Variants in CEP128 observed in about 807,000 individuals in gnomAD.
The protein encoded by CEP128 is centrosomal protein 128kDa.
Under a neutral mutation model 156.7 loss-of-function variants are expected in CEP128, and 132 were observed. The ratio of observed to expected loss-of-function variants is 0.84; its 90% CI spans 0.73 to 0.97. The LOEUF is 0.97. Among genes scored for constraint, CEP128 ranks in the 50% least tolerant of loss-of-function variants. CEP128 has a pLI of 0.00. For missense variants in CEP128, 1,252 were observed against 1,281.9 expected (o/e 0.98, Z 0.36); for synonymous variants, 469 against 448.9 (o/e 1.04, Z -0.57).
At chr14:80,828,166 C>T (rs1885585447) in intron 13 of CEP128, among the ~76,000 whole-genome samples, 1 of 148,840 alleles carries the variant, frequency 6.7e-6, no homozygotes, top group African/African-American at 2.5e-5. Flanking sequence ...CTCTGTCGCC[C>T]ATTCTGGAGT....
intron 8 of CEP128, among the ~76,000 whole-genome samples, chr14:80,874,827 C>A (rs1469415716): frequency 6.6e-6 from 1 of 152,080 alleles, no homozygotes; most frequent in Non-Finnish European, 1.5e-5. Flanking sequence ...ACTGTGTTAG[C>A]CAGGATGGTC....
intron 13 of CEP128, among the ~76,000 whole-genome samples, chr14:80,815,142 T>C (rs1189377258): frequency 6.6e-6 from 1 of 152,120 alleles, no homozygotes; most frequent in Non-Finnish European, 1.5e-5. Context: ...ACCTGCTGAA[T>C]AGGAGAAAAT....
At chr14:80,647,028 TGTGTGC>T (rs1162074842) in intron 19 of CEP128, among the ~76,000 whole-genome samples, 4,828 of 113,288 alleles carry the variant, frequency 0.043, 580 homozygotes, top group Non-Finnish European at 0.071. Context: ...TGTATATATA[TGTGTGC>T]ATGTATATAT....
At chr14:80,835,698 C>T (rs1294401731) in intron 12 of CEP128, among the ~76,000 whole-genome samples, 1 of 152,024 alleles carries the variant, frequency 6.6e-6, no homozygotes, top group Non-Finnish European at 1.5e-5. Context: ...CAAAGTATTC[C>T]TAAACCACAT....
At chr14:80,640,014 A>G (rs1363162941) in intron 19 of CEP128, among the ~76,000 whole-genome samples, 1 of 152,200 alleles carries the variant, frequency 6.6e-6, no homozygotes, top group Admixed American at 6.5e-5. Flanking sequence ...CCAGAATAAC[A>G]AAGCATTGTC....
At chr14:80,829,267 T>C (rs1885652319) in intron 13 of CEP128, among the ~76,000 whole-genome samples, 1 of 152,222 alleles carries the variant, frequency 6.6e-6, no homozygotes. Flanking sequence ...ATGCAACTAG[T>C]TAATGCTAAT....
rs185575920 is a variant in CEP128 at position 80,853,895 on chromosome 14, A to G, written c.762+8862T>C. Among the ~76,000 whole-genome samples the G allele has an allele frequency of 5.3e-5, 8 of 152,142 alleles. No homozygotes were observed. In the East Asian group the frequency reaches 1.5e-3, roughly 29 times the overall value. ...ATTTAAATTAGAGTGGAAAGAACCA[A>G]TTTTTATTCAAAAATGATGCTGAAG... is the stretch of plus-strand genomic sequence containing the variant. On this transcript the variant is annotated intron_variant, in intron 9 of 24. Transcript: ENST00000555265.
intron 2 of CEP128, among the ~76,000 whole-genome samples, chr14:80,935,536 G>A (rs1290620587): frequency 1.3e-5 from 2 of 148,658 alleles, no homozygotes; most frequent in African/African-American, 5.0e-5. Context: ...TCTGGAGTAA[G>A]ACAGAGTAAG....
At chr14:80,516,789 C>T (rs922114065) in intron 23 of CEP128, among the ~76,000 whole-genome samples, 1 of 152,212 alleles carries the variant, frequency 6.6e-6, no homozygotes, top group Non-Finnish European at 1.5e-5. Flanking sequence ...CAGATTCTCT[C>T]TCCCACCACG....
chr14:80,748,467 G>C (rs327436), intron 18 of CEP128, among the ~76,000 whole-genome samples: 6,113 of 152,238 alleles, frequency 0.04, 419 homozygotes, highest in African/African-American at 0.14. Context: ...TCTCTAGAAA[G>C]TGTTTTCTAC....
chr14:80,669,930 T>C (rs1360859606), intron 19 of CEP128, among the ~76,000 whole-genome samples: 1 of 152,182 alleles, frequency 6.6e-6, no homozygotes, highest in Non-Finnish European at 1.5e-5. Context: ...CTGCAGGCTA[T>C]ACAGGCATCT....
chr14:80,729,845 C>A (rs1595300671), intron 19 of CEP128, among the ~76,000 whole-genome samples: 2 of 152,172 alleles, frequency 1.3e-5, no homozygotes, highest in East Asian at 3.9e-4. Flanking sequence ...ATGATAAACA[C>A]ATTTGGTGAA....
At chr14:80,538,525 C>G (rs1329934281) in intron 21 of CEP128, among the ~76,000 whole-genome samples, 1 of 152,178 alleles carries the variant, frequency 6.6e-6, no homozygotes, top group African/African-American at 2.4e-5. Context: ...GTATACCCAC[C>G]ACCTAGATTC....
intron 19 of CEP128, among the ~76,000 whole-genome samples, chr14:80,632,772 G>A (rs934631223): frequency 5.3e-5 from 8 of 152,046 alleles, no homozygotes; most frequent in Non-Finnish European, 1.2e-4. Flanking sequence ...TCTCACGGGT[G>A]TATGTCTGGG....
chr14:80,652,328 C>A (rs1252126140), intron 19 of CEP128, among the ~76,000 whole-genome samples: 3 of 151,986 alleles, frequency 2.0e-5, no homozygotes, highest in African/African-American at 7.2e-5. Context: ...GCAACAAAAG[C>A]CAAAATTGAC....
At chr14:80,891,269 C>T (rs551863204) in intron 8 of CEP128, among the ~76,000 whole-genome samples, 2 of 152,178 alleles carry the variant, frequency 1.3e-5, no homozygotes, top group Admixed American at 1.3e-4. Context: ...TTTATTGCAG[C>T]ACTATCCACA....
chr14:80,840,739 A>G lies in CEP128; in HGVS notation c.792T>C (p.Asp264=). 6.2e-7 allele frequency: 1 copy of G among 1,611,066 alleles called. No individual in the cohort carries two copies. The highest frequency in any genetic ancestry group is 8.5e-7 in the Non-Finnish European group (1 of 1,178,190). Residue 264 remains aspartate, a synonymous_variant, in exon 10 of 25, where the codon GAT becomes GAC. Coordinates refer to ENST00000555265, the MANE Select transcript of CEP128 (RefSeq NM_152446.5). ...TATTTTTTATTGCCCCCTCATGCTC[A>G]TCTGCTTTAGCTTCTTGTTTCTTTA... The part of the protein sequence containing the change: ...EALKKQEAKA[D]EHEGAIKNKL...
intron 2 of CEP128, 54 bp downstream of exon 2, chr14:80,939,331 A>T (rs1030166124): frequency 1.1e-4 from 14 of 129,290 alleles, no homozygotes; most frequent in African/African-American, 3.6e-4. Context: ...CTTTTCTACC[A>T]TAAATATGCA....
rs1413794587 is a variant in CEP128, at chr14:80,535,527, A to C, written c.2881-4641T>G. On this transcript the variant is annotated intron_variant, in intron 21 of 24. Transcript: ENST00000555265. ...TTTAAGATGAAACCATAAAGAATGT[A>C]ATCTCACTGGTGCTAAAGAGTCTGT... 2.6e-5 allele frequency among the ~76,000 whole-genome samples: 4 copies of C among 152,226 alleles called. No individual in the cohort carries two copies. The East Asian group carries it at 7.7e-4, about 29-fold the overall frequency.
Sources: gnomAD v4.1 joint callset for allele counts (sites outside exome capture counted in the v4.1 genomes callset) on GRCh38, gnomAD v4.1.1 for gene constraint, MANE v1.5 for transcripts, NCBI Gene and HGNC (gene_info 2026-07-23, HGNC 2026-07-21) for gene names.